SMAD6: variants seen among roughly 807,000 people sequenced by gnomAD.
SMAD6 encodes MAD homolog 6.
Under a neutral mutation model 39.4 loss-of-function variants are expected in SMAD6, and 103 were observed. The ratio of observed to expected loss-of-function variants is 2.62; its 90% CI spans 2.23 to 3.08. The LOEUF (loss-of-function observed/expected upper bound fraction) is 3.08. SMAD6 is among the 30% of genes most tolerant of loss of function. SMAD6 has a pLI of 0.00. For synonymous variants in SMAD6, 445 were observed against 353.3 expected (o/e 1.26, Z -2.91); for missense variants, 1,104 against 742.9 (o/e 1.49, Z -5.65).
At chr15:66,733,996 C>T (rs969002996) in intron 3 of SMAD6, among the ~76,000 whole-genome samples, 3 of 152,222 alleles carry the variant, frequency 2.0e-5, no homozygotes, top group African/African-American at 7.2e-5. Flanking sequence ...GATGAAAGGA[C>T]AGGTCTCCTG....
intron 1 of SMAD6, chr15:66,708,373 GTGCCCACCT>G (rs967379059): frequency 1.1e-5 from 2 of 184,534 alleles, no homozygotes; most frequent in African/African-American, 2.3e-5. Context: ...TCCCACCTGA[GTGCCCACCT>G]TGCCCACCTG....
rs1315861259 is a variant in SMAD6, at chr15:66,703,786, G to C, written c.528G>C (p.Thr176=). 5.6e-6 allele frequency: 8 copies of C among 1,440,474 alleles called. No individual in the cohort carries two copies. The highest frequency in any genetic ancestry group is 3.0e-5 in the African/African-American group (2 of 67,776). The allele number at this position is 1,440,474 out of a possible 1,614,324, so 89.2% of individuals were successfully genotyped here. A position where few individuals can be genotyped will look rare whatever the true frequency, so the allele number is the denominator to read the frequency against. ...TGGAGCAGGAACTCAAAACCGTCACGTACTCGCTGCTGAAGCGGCTCAAGG... is the reference window on the plus strand; with the variant it reads ...TGGAGCAGGAACTCAAAACCGTCACCTACTCGCTGCTGAAGCGGCTCAAGG... ...LLLEQELKTV[T]YSLLKRLKER... Residue 176 remains threonine (T), a synonymous_variant, in exon 1 of 4, where the codon ACG becomes ACC. Coordinates refer to ENST00000288840, the MANE Select transcript of SMAD6 (RefSeq NM_005585.5).
At position 66,781,035 on chromosome 15, in the gene SMAD6, T is replaced by A. The variant is rs1348334764; in HGVS notation, c.991T>A (p.Trp331Arg). ...TCCGGACGCCACCAAGCCGAGCCAC[T>A]GGTGCAGCGTGGCGTACTGGGAGCA... ...MSPDATKPSH[W>R]CSVAYWEHRT... is the part of the protein sequence containing the mutation. The change falls in exon 4 of 4, where the codon TGG (tryptophan) becomes AGG (arginine). Residue 331 changes from tryptophan to arginine, a missense_variant. Trp to Arg is a moderately radical substitution (Grantham distance 101, BLOSUM62 -3). Coordinates refer to ENST00000288840, the MANE Select transcript of SMAD6 (RefSeq NM_005585.5). 6.3e-7 allele frequency: 1 copy of A among 1,598,278 alleles called. No individual in the cohort carries two copies. Among genetic ancestry groups the A allele is most frequent in the African/African-American group, 1.3e-5 (1 of 74,714 alleles).
intron 3 of SMAD6, among the ~76,000 whole-genome samples, chr15:66,759,329 A>C (rs959863942): frequency 3.4e-5 from 4 of 118,020 alleles, no homozygotes; most frequent in Admixed American, 1.0e-4. Flanking sequence ...CCTACTGGAC[A>C]GAGAGGAAGA....
intron 3 of SMAD6, among the ~76,000 whole-genome samples, chr15:66,762,663 A>G (rs1894221059): frequency 6.6e-6 from 1 of 152,042 alleles, no homozygotes; most frequent in South Asian, 2.1e-4. Context: ...AGTAAACGCC[A>G]TGAGAGGAAA....
At chr15:66,717,096 C>T (rs1893344431) in intron 3 of SMAD6, 10 of 1,288,792 alleles carry the variant, frequency 7.8e-6, no homozygotes, top group Non-Finnish European at 1.0e-5. Context: ...GGGACCCCTA[C>T]ATCCGGAGGA....
intron 2 of SMAD6, among the ~76,000 whole-genome samples, chr15:66,715,551 C>T (rs1488836096): frequency 1.3e-5 from 2 of 152,174 alleles, no homozygotes; most frequent in Non-Finnish European, 2.9e-5. Flanking sequence ...CTGGACAGGC[C>T]TGTCCCTTAA....
Position 66,781,415 on chromosome 15 carries a change from C to T in SMAD6, c.1371C>T (p.Gly457=). The change falls in exon 4 of 4, where the codon GGC becomes GGT. Residue 457 remains glycine (G), a synonymous_variant. Coordinates refer to ENST00000288840, the MANE Select transcript of SMAD6 (RefSeq NM_005585.5). The part of the protein sequence containing the change: ...QHAPEPDAAD[G]PYDPNSVRIS... ...CGCCCGAGCCCGACGCCGCCGACGG[C>T]CCCTACGACCCCAACAGCGTCCGCA... is the stretch of plus-strand genomic sequence containing the variant. 1.2e-6 allele frequency: 2 copies of T among 1,604,394 alleles called. No homozygotes were observed. The highest frequency in any genetic ancestry group is 1.7e-6 in the Non-Finnish European group (2 of 1,178,220).
intron 3 of SMAD6, among the ~76,000 whole-genome samples, chr15:66,735,475 T>G (rs1223805810): frequency 6.6e-6 from 1 of 152,210 alleles, no homozygotes; most frequent in African/African-American, 2.4e-5. Flanking sequence ...AGGGGCTAGA[T>G]GAAGCAAGTG....
At chr15:66,720,665 A>G (rs1893416677) in intron 3 of SMAD6, among the ~76,000 whole-genome samples, 1 of 152,234 alleles carries the variant, frequency 6.6e-6, no homozygotes, top group South Asian at 2.1e-4. Context: ...GAGGATGATA[A>G]TAACAACAAA....
intron 3 of SMAD6, among the ~76,000 whole-genome samples, chr15:66,746,090 A>T (rs1362166452): frequency 6.6e-6 from 1 of 152,150 alleles, no homozygotes; most frequent in Non-Finnish European, 1.5e-5. Flanking sequence ...GTTGGGGGAG[A>T]TGGAGCAGGC....
chr15:66,776,889 T>C (rs1251288490), intron 3 of SMAD6, among the ~76,000 whole-genome samples: 1 of 151,330 alleles, frequency 6.6e-6, no homozygotes, highest in Non-Finnish European at 1.5e-5. Flanking sequence ...CTGGGTAACA[T>C]GGCAAAACCC....
intron 3 of SMAD6, among the ~76,000 whole-genome samples, chr15:66,779,580 C>T (rs1198849106): frequency 6.6e-6 from 1 of 152,230 alleles, no homozygotes; most frequent in East Asian, 1.9e-4. Context: ...ATGTCAGGGG[C>T]CCTGCCACCC....
chr15:66,758,268 C>A (rs1179271562), intron 3 of SMAD6, among the ~76,000 whole-genome samples: 1 of 152,332 alleles, frequency 6.6e-6, no homozygotes, highest in South Asian at 2.1e-4. Context: ...AAAGCAGAAT[C>A]CTCTCTTTCT....
At position 66,781,411 on chromosome 15, in the gene SMAD6, A is replaced by ACG. The variant is rs1293517815; in HGVS notation, c.1368_1369dup (p.Gly457AlafsTer83). ...CACGCGCCCGAGCCCGACGCCGCCG[A>ACG]CGGCCCCTACGACCCCAACAGCGTC... On this transcript the variant is annotated frameshift_variant, in exon 4 of 4. Coordinates refer to ENST00000288840, the MANE Select transcript of SMAD6 (RefSeq NM_005585.5). LOFTEE classifies it high-confidence loss of function. The ACG allele has an allele frequency of 6.2e-7, 1 of 1,603,858 alleles. No homozygotes were observed. The highest frequency in any genetic ancestry group is 1.3e-5 in the African/African-American group (1 of 74,780).
At chr15:66,758,326 A>T (rs1000160179) in intron 3 of SMAD6, among the ~76,000 whole-genome samples, 13 of 152,224 alleles carry the variant, frequency 8.5e-5, no homozygotes, top group African/African-American at 3.1e-4. Context: ...GCTTGGCAGG[A>T]TGGAAACAAC....
chr15:66,706,190 C>T (rs1365485440), intron 1 of SMAD6: 1 of 152,312 alleles, frequency 6.6e-6, no homozygotes, highest in Non-Finnish European at 1.5e-5. Flanking sequence ...CAGCTAGTAA[C>T]GTGCAGCTTG....
intron 3 of SMAD6, among the ~76,000 whole-genome samples, chr15:66,744,442 C>T (rs930224252): frequency 3.3e-5 from 5 of 152,190 alleles, no homozygotes; most frequent in Admixed American, 6.5e-5. Flanking sequence ...GGAAGGCCAC[C>T]GGATCCCAAG....
chr15:66,778,669 T>C (rs1894507869), intron 3 of SMAD6, among the ~76,000 whole-genome samples: 2 of 152,212 alleles, frequency 1.3e-5, no homozygotes, highest in Admixed American at 1.3e-4. Flanking sequence ...TAGAGGGACT[T>C]GCTCAGTGTG....
Sources: allele counts gnomAD v4.1 joint callset (sites outside exome capture counted in the v4.1 genomes callset), GRCh38; gene constraint gnomAD v4.1.1; transcripts MANE v1.5; gene names NCBI Gene and HGNC (gene_info 2026-07-23, HGNC 2026-07-21).